Variants in GALNT14 observed in about 807,000 individuals in gnomAD.
GALNT14 encodes the protein UDP-GalNAc:polypeptide N-acetylgalactosaminyltransferase 14.
In GALNT14, 60 loss-of-function variants were observed where a neutral mutation model predicts 77.5. The ratio of observed to expected loss-of-function variants is 0.77; its 90% CI spans 0.63 to 0.96. The LOEUF is 0.96. GALNT14 is among the 40% of genes least tolerant of loss of function. The probability of loss-of-function intolerance (pLI) is 0.00; values close to 1 mark genes in which losing one functional copy is unlikely to be tolerated. For synonymous variants in GALNT14, 280 were observed against 281.7 expected (o/e 0.99, Z 0.06); for missense variants, 710 against 731.0 (o/e 0.97, Z 0.33).
intron 1 of GALNT14, among the ~76,000 whole-genome samples, chr2:31,008,022 ACT>A (rs1670786549): frequency 6.6e-6 from 1 of 151,890 alleles, no homozygotes; most frequent in African/African-American, 2.4e-5. Flanking sequence ...TCTCAAAATA[ACT>A]CTCTTCTTCC....
At chr2:30,906,863 C>A (rs1015742111), downstream of GALNT14, among the ~76,000 whole-genome samples, 8 of 152,214 alleles carry the variant, frequency 5.3e-5, no homozygotes, top group Admixed American at 3.3e-4. Context: ...AACTATCTCT[C>A]AGACCACAGT....
intron 1 of GALNT14, among the ~76,000 whole-genome samples, chr2:31,076,195 T>A (rs1433829927): frequency 6.6e-6 from 1 of 152,096 alleles, no homozygotes; most frequent in African/African-American, 2.4e-5. Flanking sequence ...TACTCAAGTC[T>A]CCTCCCATTT....
intron 2 of GALNT14, among the ~76,000 whole-genome samples, chr2:30,972,871 G>A (rs997883700): frequency 2.6e-5 from 4 of 152,174 alleles, no homozygotes; most frequent in African/African-American, 4.8e-5. Flanking sequence ...GGGCTGCCAC[G>A]GGTACATCCT....
At chr2:31,100,188 T>A (rs961601269) in intron 1 of GALNT14, among the ~76,000 whole-genome samples, 1 of 152,032 alleles carries the variant, frequency 6.6e-6, no homozygotes, top group East Asian at 1.9e-4. Context: ...TGATAGGTGG[T>A]TGGAAACTGT....
At chr2:30,946,603 C>T (rs902889309) in intron 6 of GALNT14, among the ~76,000 whole-genome samples, 3 of 152,080 alleles carry the variant, frequency 2.0e-5, no homozygotes, top group Non-Finnish European at 2.9e-5. Flanking sequence ...CCTGTGGAAC[C>T]GTAAGCCAAT....
chr2:30,964,680 C>T (rs1044396158), intron 3 of GALNT14, among the ~76,000 whole-genome samples: 2 of 152,178 alleles, frequency 1.3e-5, no homozygotes, highest in African/African-American at 2.4e-5. Flanking sequence ...ACAGGGCTGT[C>T]CCCTTGGATG....
At position 31,057,296 on chromosome 2, in the gene GALNT14, TA is replaced by T. The variant is rs1558532738; in HGVS notation, c.130-64290del. ...CTATGAATCTAAAAAGTTGAAATTATATATATATATATATATATATAAAATT... is the reference window on the plus strand; with the variant it reads ...CTATGAATCTAAAAAGTTGAAATTATTATATATATATATATATATAAAATT... On this transcript the variant is annotated intron_variant, in intron 1 of 14. Transcript: ENST00000349752. Among the ~76,000 whole-genome samples the T allele has an allele frequency of 4.0e-3, 380 of 96,082 alleles. 2 individuals are homozygous for T. Among genetic ancestry groups the T allele is most frequent in the Middle Eastern group, 0.016 (3 of 188 alleles). The allele number at this position is 96,082 out of a possible 152,430, so 63.0% of individuals were successfully genotyped here. A position where few individuals can be genotyped will look rare whatever the true frequency, so the allele number is the denominator to read the frequency against.
At chr2:30,916,418 C>T (rs1664681520) in intron 13 of GALNT14, among the ~76,000 whole-genome samples, 1 of 152,210 alleles carries the variant, frequency 6.6e-6, no homozygotes, top group Non-Finnish European at 1.5e-5. Flanking sequence ...AACCGTCCCT[C>T]CTATCCCAAA....
At chr2:31,000,686 G>A (rs1670316347) in intron 1 of GALNT14, among the ~76,000 whole-genome samples, 4 of 152,100 alleles carry the variant, frequency 2.6e-5, no homozygotes, top group East Asian at 3.9e-4. Flanking sequence ...TCAACTGATC[G>A]GATGAGGCCT....
the GALNT14 span, among the ~76,000 whole-genome samples, chr2:30,887,637 C>T: frequency 2.6e-3 from 393 of 152,270 alleles, 1 homozygote; most frequent in African/African-American, 8.8e-3. Flanking sequence ...TCCAGAGATA[C>T]GATTTGCAAT....
At chr2:31,117,833 A>G (rs187032902) in intron 1 of GALNT14, among the ~76,000 whole-genome samples, 149 of 152,290 alleles carry the variant, frequency 9.8e-4, no homozygotes, top group Admixed American at 8.8e-3. Context: ...GACAATAGGG[A>G]AGCTTTCTTC....
At chr2:30,911,553 G>C (rs1664362339) in intron 14 of GALNT14, among the ~76,000 whole-genome samples, 1 of 152,172 alleles carries the variant, frequency 6.6e-6, no homozygotes, top group Non-Finnish European at 1.5e-5. Context: ...GGAGGGACTG[G>C]ACACATCAGG....
the GALNT14 span, among the ~76,000 whole-genome samples, chr2:30,898,374 G>C: frequency 6.6e-6 from 1 of 152,216 alleles, no homozygotes; most frequent in Admixed American, 6.5e-5. Context: ...TCCGCTCTGG[G>C]ACCTGATGTT....
intron 1 of GALNT14, among the ~76,000 whole-genome samples, chr2:31,089,322 C>T (rs1676611408): frequency 6.6e-6 from 1 of 152,030 alleles, no homozygotes; most frequent in African/African-American, 2.4e-5. Flanking sequence ...TCTTTTGAGT[C>T]CCCCACAGTA....
intron 1 of GALNT14, among the ~76,000 whole-genome samples, chr2:31,134,543 C>T (rs575658738): frequency 1.1e-4 from 16 of 152,242 alleles, no homozygotes; most frequent in African/African-American, 2.2e-4. Flanking sequence ...CCTAAACCAA[C>T]GCCTCTGCAA....
intron 1 of GALNT14, among the ~76,000 whole-genome samples, chr2:31,108,168 G>C (rs1046673349): frequency 1.3e-5 from 2 of 152,148 alleles, no homozygotes; most frequent in South Asian, 2.1e-4. Context: ...ACCAAGGCCA[G>C]ACTCCTGCCT....
At chr2:30,986,222 C>T (rs1000360287) in intron 2 of GALNT14, among the ~76,000 whole-genome samples, 2 of 152,184 alleles carry the variant, frequency 1.3e-5, no homozygotes, top group Non-Finnish European at 2.9e-5. Context: ...AACACACAGA[C>T]CCAGCCAGGC....
At chr2:31,133,972 T>C (rs1405055677) in intron 1 of GALNT14, among the ~76,000 whole-genome samples, 1 of 152,238 alleles carries the variant, frequency 6.6e-6, no homozygotes, top group Non-Finnish European at 1.5e-5. Flanking sequence ...GTCTAATAAA[T>C]TTCCTTAAGC....
downstream of GALNT14, among the ~76,000 whole-genome samples, chr2:30,905,775 T>A (rs1302708805): frequency 6.8e-6 from 1 of 148,092 alleles, no homozygotes; most frequent in African/African-American, 2.5e-5. Context: ...TCACCAAAGT[T>A]GAAATGAAGG....
Sources: allele counts gnomAD v4.1 joint callset (sites outside exome capture counted in the v4.1 genomes callset), GRCh38; gene constraint gnomAD v4.1.1; transcripts MANE v1.5; gene names NCBI Gene and HGNC (gene_info 2026-07-23, HGNC 2026-07-21).